PIEZO2: variants seen among roughly 807,000 people sequenced by gnomAD.
PIEZO2 encodes piezo type mechanosensitive ion channel component 2.
A neutral mutation model predicts 337.3 loss-of-function variants in PIEZO2; 172 were observed. The ratio of observed to expected loss-of-function variants is 0.51; its 90% CI spans 0.45 to 0.58. The LOEUF (loss-of-function observed/expected upper bound fraction) is 0.58, where lower values mean the gene tolerates loss of function less well. PIEZO2 is among the 20% of genes least tolerant of loss of function. PIEZO2 has a pLI of 0.00. For synonymous variants in PIEZO2, 1,251 were observed against 1,228.5 expected (o/e 1.02, Z -0.38); for missense variants, 3,028 against 3,391.3 (o/e 0.89, Z 2.66).
chr18:10,809,260 C>CTCTCTTT (rs1173120936), intron 7 of PIEZO2, among the ~76,000 whole-genome samples: 2 of 65,804 alleles, frequency 3.0e-5, no homozygotes, highest in African/African-American at 1.2e-4. Flanking sequence ...CTCTCTCTCT[C>CTCTCTTT]TTTTTTTTTT....
rs2040509589 is a variant in PIEZO2 at position 10,821,116 on chromosome 18, C to A, written c.918-13842G>T. On this transcript the variant is annotated intron_variant, in intron 7 of 55. Transcript: ENST00000674853. This position sits in a 1 kb window ranked among gnomAD's most constrained non-coding sequence, Gnocchi z 4.2. ...TCTTTCTCCTCTCCATTACTCTGTG[C>A]CACAAATATCAGCCTTCTCATCCTC... Among the ~76,000 whole-genome samples the A allele has an allele frequency of 6.6e-6, 1 of 152,110 alleles. No individual in the cohort carries two copies.
intron 2 of PIEZO2, among the ~76,000 whole-genome samples, chr18:10,984,600 A>T (rs898656774): frequency 6.6e-6 from 1 of 152,130 alleles, no homozygotes; most frequent in African/African-American, 2.4e-5. Context: ...CTTACAGGAC[A>T]CTATCAAGTG....
Position 10,784,726 on chromosome 18 carries a change from A to C in PIEZO2, c.2492+58T>G. 2.3e-6 allele frequency: 3 copies of C among 1,308,748 alleles called. No homozygotes were observed. The highest frequency in any genetic ancestry group is 2.9e-6 in the Non-Finnish European group (3 of 1,025,270). 81.1% of individuals were successfully genotyped at this position (1,308,748 alleles called of 1,614,324 possible). On this transcript the variant is annotated intron_variant, in intron 17 of 55. Coordinates refer to ENST00000674853, the MANE Select transcript of PIEZO2 (RefSeq NM_001378183.1). This position sits in a 1 kb window ranked among gnomAD's most constrained non-coding sequence, Gnocchi z 4.5. The stretch of plus-strand genomic sequence containing the variant: ...TCTCGCAAGGTGGCCAACCTAAGGT[A>C]GGGTTGAAGAGCTGCCTTCCTGCTA...
rs147635550 is a variant in PIEZO2 at position 11,019,453 on chromosome 18, G to A, written c.161-39793C>T. 9.6e-3 allele frequency among the ~76,000 whole-genome samples: 1,462 copies of A among 152,210 alleles called. 8 individuals carry two copies. The highest frequency in any genetic ancestry group is 0.014 in the Non-Finnish European group (984 of 68,010). ...CAGGTAACTCTTTCCTCTCATCTGG[G>A]AGCTTTTGTACTTTCTGGTGTGGTA... On this transcript the variant is annotated intron_variant, in intron 2 of 55. Coordinates refer to ENST00000674853, the MANE Select transcript of PIEZO2 (RefSeq NM_001378183.1).
chr18:10,736,949 C>T (rs2037023174), intron 33 of PIEZO2, among the ~76,000 whole-genome samples: 1 of 151,750 alleles, frequency 6.6e-6, no homozygotes, highest in Non-Finnish European at 1.5e-5. Flanking sequence ...AGAGAACTGG[C>T]CACTACAGGG....
intron 3 of PIEZO2, among the ~76,000 whole-genome samples, chr18:10,958,629 C>T (rs1317194010): frequency 6.6e-6 from 1 of 152,152 alleles, no homozygotes; most frequent in East Asian, 1.9e-4. Context: ...TAGATCAAAA[C>T]ATCGCCTCAT....
chr18:11,046,602 G>T (rs564119650), intron 2 of PIEZO2, among the ~76,000 whole-genome samples: 44 of 152,340 alleles, frequency 2.9e-4, no homozygotes, highest in African/African-American at 6.5e-4. Context: ...CCGTGGCTCC[G>T]CTGGGTGCTC....
At chr18:10,800,928 C>T (rs777281910) in intron 10 of PIEZO2, among the ~76,000 whole-genome samples, 4 of 152,276 alleles carry the variant, frequency 2.6e-5, no homozygotes, top group Non-Finnish European at 5.9e-5. Flanking sequence ...CTGCACAGGA[C>T]TAATGCAAAC....
chr18:11,000,204 G>A (rs992525112), intron 2 of PIEZO2, among the ~76,000 whole-genome samples: 2 of 152,128 alleles, frequency 1.3e-5, no homozygotes, highest in African/African-American at 4.8e-5. Context: ...ATACTGGACT[G>A]AAAGTTTCCA....
At position 10,855,295 on chromosome 18, in the gene PIEZO2, G is replaced by C; in HGVS notation, c.917+58C>G. On this transcript the variant is annotated intron_variant, in intron 7 of 55. Transcript: ENST00000674853. This position sits in a 1 kb window ranked among gnomAD's most constrained non-coding sequence, Gnocchi z 4.9. ...CTGTAAATTCACAATGCCAAACCAAGGTCCCAAAGGCGTGGGGGGACAACC... is the reference window on the plus strand; with the variant it reads ...CTGTAAATTCACAATGCCAAACCAACGTCCCAAAGGCGTGGGGGGACAACC... 7.1e-7 allele frequency: 1 copy of C among 1,407,396 alleles called. No homozygotes were observed. Among genetic ancestry groups the C allele is most frequent in the Non-Finnish European group, 9.7e-7 (1 of 1,032,736 alleles). The allele number at this position is 1,407,396 out of a possible 1,614,324, so 87.2% of individuals were successfully genotyped here.
Position 10,861,283 on chromosome 18 carries a change from T to C in PIEZO2, c.493-4072A>G, listed in dbSNP as rs547301725. 1.1e-4 allele frequency among the ~76,000 whole-genome samples: 17 copies of C among 152,318 alleles called. No individual in the cohort carries two copies. In the South Asian group the frequency reaches 2.9e-3, roughly 26 times the overall value. On this transcript the variant is annotated intron_variant, in intron 5 of 55. Transcript: ENST00000674853. This position sits in a 1 kb window ranked among gnomAD's most constrained non-coding sequence, Gnocchi z 4.3. ...TTTAACTTCCCTGGTTCCTGAGTCATCTTAGAAACTGAAGACAAAATAAAC... is the reference window on the plus strand; with the variant it reads ...TTTAACTTCCCTGGTTCCTGAGTCACCTTAGAAACTGAAGACAAAATAAAC...
chr18:10,764,824 A>T (rs1598449471), intron 21 of PIEZO2, among the ~76,000 whole-genome samples: 2 of 152,132 alleles, frequency 1.3e-5, no homozygotes. Context: ...GCAAACCATA[A>T]CTCACTCATA....
In PIEZO2 at chr18:10,862,469, C is replaced by A. The variant is rs1046284217; in HGVS notation, c.493-5258G>T. On this transcript the variant is annotated intron_variant, in intron 5 of 55. Transcript: ENST00000674853. The surrounding 1 kb of genome is among the most constrained non-coding windows in gnomAD (Gnocchi z 4.4). ...TGCGTCTCTGCATCTCATCCCACAACATCCTCTCACCCTACAGCAGTACTG... is the reference window on the plus strand; with the variant it reads ...TGCGTCTCTGCATCTCATCCCACAAAATCCTCTCACCCTACAGCAGTACTG... 2.0e-5 allele frequency among the ~76,000 whole-genome samples: 3 copies of A among 152,226 alleles called. No homozygotes were observed. The highest frequency in any genetic ancestry group is 7.2e-5 in the African/African-American group (3 of 41,464).
At chr18:11,136,794 T>A (rs2040503111) in intron 1 of PIEZO2, among the ~76,000 whole-genome samples, 1 of 152,122 alleles carries the variant, frequency 6.6e-6, no homozygotes. Context: ...TACCCTTTCC[T>A]TTTATGGATA....
In PIEZO2 at chr18:11,078,160, TACAC is replaced by T. The variant is rs1380987499; in HGVS notation, c.65-11942_65-11939del. On this transcript the variant is annotated intron_variant, in intron 1 of 55. Coordinates refer to ENST00000674853, the MANE Select transcript of PIEZO2 (RefSeq NM_001378183.1). This position sits in a 1 kb window ranked among gnomAD's most constrained non-coding sequence, Gnocchi z 5.3. ...CACACACACTCACCACACACACACA[TACAC>T]ACACCACACACACATACACACACAC... 2.7e-5 allele frequency among the ~76,000 whole-genome samples: 4 copies of T among 149,762 alleles called. No individual in the cohort carries two copies. Among genetic ancestry groups the T allele is most frequent in the South Asian group, 2.1e-4 (1 of 4,700 alleles).
At chr18:10,697,274 C>A (rs1453479309) in intron 45 of PIEZO2, among the ~76,000 whole-genome samples, 9 of 152,204 alleles carry the variant, frequency 5.9e-5, no homozygotes, top group African/African-American at 2.2e-4. Flanking sequence ...GCTGGCAGTC[C>A]CAGTCCCATG....
At chr18:10,925,090 T>C (rs764862561) in intron 3 of PIEZO2, among the ~76,000 whole-genome samples, 6 of 152,226 alleles carry the variant, frequency 3.9e-5, no homozygotes, top group African/African-American at 1.2e-4. Context: ...TGGTGGTTTA[T>C]AGTTCTTCAT....
At chr18:10,956,741 C>T (rs1042658616) in intron 3 of PIEZO2, among the ~76,000 whole-genome samples, 12 of 151,720 alleles carry the variant, frequency 7.9e-5, no homozygotes, top group East Asian at 3.9e-4. Context: ...GAGGCCGAGG[C>T]GAGTGGATCA....
rs1486504795 is a variant in PIEZO2, at chr18:10,672,682, G to A, written c.8345+8C>T. On this transcript the variant is annotated splice_region_variant and intron_variant, in intron 55 of 55. Transcript: ENST00000674853. The surrounding 1 kb of genome is among the most constrained non-coding windows in gnomAD (Gnocchi z 4.7). ...CTTGTAACTGTGAATTGTTCAATGA[G>A]TCCTTACCCATAGCCAGCCAGGAAC... The A allele has an allele frequency of 3.1e-6, 5 of 1,613,060 alleles. No homozygotes were observed. Among genetic ancestry groups the A allele is most frequent in the Admixed American group, 3.3e-5 (2 of 59,762 alleles).
Sources: allele counts gnomAD v4.1 joint callset (sites outside exome capture counted in the v4.1 genomes callset), GRCh38; gene constraint gnomAD v4.1.1; non-coding constraint Gnocchi (gnomAD v3.1); transcripts MANE v1.5; gene names NCBI Gene and HGNC (gene_info 2026-07-23, HGNC 2026-07-21).